The following PCDHA12 variants were observed in gnomAD, a reference collection of about 807,000 sequenced individuals.
PCDHA12 encodes protocadherin alpha 12.
A neutral mutation model predicts 60.0 loss-of-function variants in PCDHA12; 44 were observed. That is an observed-to-expected ratio of 0.73 (90% CI 0.58 to 0.94). PCDHA12 has a LOEUF of 0.94. Among genes scored for constraint, PCDHA12 ranks in the 40% least tolerant of loss-of-function variants. The pLI is 0.00. For missense variants in PCDHA12, 1,276 were observed against 1,239.7 expected, an observed-to-expected ratio of 1.03 and a Z score of -0.44; for synonymous variants, 569 against 553.0, an observed-to-expected ratio of 1.03 and a Z score of -0.40.
chr5:140,961,054 T>C (rs1290831214), intron 1 of PCDHA12, among the ~76,000 whole-genome samples: 2 of 152,136 alleles, frequency 1.3e-5, no homozygotes, highest in African/African-American at 4.8e-5. Context: ...AACAAAATGT[T>C]GAATGGGATA....
chr5:140,885,122 T>A (rs191806335), intron 1 of PCDHA12, among the ~76,000 whole-genome samples: 1 of 152,332 alleles, frequency 6.6e-6, no homozygotes, highest in African/African-American at 2.4e-5. Context: ...AGTGCACTTT[T>A]CTTTCTTTCT....
intron 1 of PCDHA12, among the ~76,000 whole-genome samples, chr5:140,921,582 A>G (rs1451313725): frequency 6.6e-6 from 1 of 152,200 alleles, no homozygotes; most frequent in Non-Finnish European, 1.5e-5. Context: ...AGCTCATACT[A>G]TATTATGGTT....
Position 140,877,136 on chromosome 5 carries a change from T to C in PCDHA12, c.1664T>C (p.Val555Ala), listed in dbSNP as rs782812769. Residue 555 changes from valine (V) to alanine (A), a missense_variant, in exon 1 of 4, where the codon GTG (valine) becomes GCG (alanine). By Grantham distance (64) the Val-to-Ala change is moderately conservative. Transcript: ENST00000398631. ...AGCAACGTGACGCTGCAGGTGTTCG[T>C]GCTGGACGAGAACGACAACGCGCCG... ...LGSNVTLQVF[V>A]LDENDNAPAL... The C allele has an allele frequency of 1.2e-6, 2 of 1,613,760 alleles. No homozygotes were observed. The highest frequency in any genetic ancestry group is 1.7e-6 in the Non-Finnish European group (2 of 1,179,850).
At chr5:140,884,075 T>C (rs2059980601) in intron 1 of PCDHA12, 1 of 1,613,342 alleles carries the variant, frequency 6.2e-7, no homozygotes, top group South Asian at 1.1e-5. Context: ...CGATTCGGGC[T>C]ACAATGCGTG....
intron 1 of PCDHA12, among the ~76,000 whole-genome samples, chr5:140,956,211 TCCTTG>T (rs2095268091): frequency 6.6e-6 from 1 of 152,198 alleles, no homozygotes; most frequent in Non-Finnish European, 1.5e-5. Flanking sequence ...AAAGAGGGCA[TCCTTG>T]TCTTGTGCTG....
intron 1 of PCDHA12, among the ~76,000 whole-genome samples, chr5:140,905,327 TG>T (rs2071747762): frequency 6.6e-6 from 1 of 152,202 alleles, no homozygotes; most frequent in Non-Finnish European, 1.5e-5. Context: ...TATGCTTTGT[TG>T]AAGATCAGTT....
chr5:140,883,251 T>C, intron 1 of PCDHA12: 1 of 1,614,086 alleles, frequency 6.2e-7, no homozygotes, highest in Non-Finnish European at 8.5e-7. Flanking sequence ...AAAGGAAATA[T>C]TCCAATGGCG....
rs79307553 is a variant in PCDHA12, at chr5:140,974,500, T to G, written c.2368-4449T>G. ...ACCCAGAATTCTCAAATGTATTACC[T>G]TTGTGTTTTATTTTATTTTAGTTTT... is the stretch of plus-strand genomic sequence containing the variant. On this transcript the variant is annotated intron_variant, in intron 1 of 3. Transcript: ENST00000398631. 8.7e-3 allele frequency among the ~76,000 whole-genome samples: 1,326 copies of G among 152,308 alleles called. 23 individuals carry two copies. Among genetic ancestry groups the G allele is most frequent in the African/African-American group, 0.03 (1,239 of 41,564 alleles).
intron 3 of PCDHA12, among the ~76,000 whole-genome samples, chr5:140,997,115 C>A (rs537421169): frequency 9.2e-5 from 14 of 152,116 alleles, no homozygotes; most frequent in Non-Finnish European, 1.6e-4. Flanking sequence ...TCCTGCTCTC[C>A]CACATACACA....
At chr5:140,955,522 C>A (rs1467341493) in intron 1 of PCDHA12, among the ~76,000 whole-genome samples, 5 of 152,180 alleles carry the variant, frequency 3.3e-5, no homozygotes, top group African/African-American at 1.2e-4. Context: ...GCTTTCCCTT[C>A]CACCATGATT....
chr5:140,976,689 T>TTTGCA (rs1280133734), intron 1 of PCDHA12, among the ~76,000 whole-genome samples: 2 of 152,232 alleles, frequency 1.3e-5, no homozygotes, highest in East Asian at 3.8e-4. Context: ...GCAATTTAAG[T>TTTGCA]ACAATAATGT....
chr5:140,986,656 C>T (rs141575317), intron 3 of PCDHA12, among the ~76,000 whole-genome samples: 2 of 152,290 alleles, frequency 1.3e-5, no homozygotes, highest in East Asian at 1.9e-4. Context: ...GTGGGAGATG[C>T]TCACAGTTTT....
chr5:140,935,016 T>C (rs997789296), intron 1 of PCDHA12, among the ~76,000 whole-genome samples: 6 of 152,322 alleles, frequency 3.9e-5, no homozygotes, highest in Admixed American at 6.5e-5. Flanking sequence ...TGAGTCTTAA[T>C]AGTCTTTTGA....
At chr5:140,887,984 A>G (rs2061657027) in intron 1 of PCDHA12, among the ~76,000 whole-genome samples, 1 of 152,178 alleles carries the variant, frequency 6.6e-6, no homozygotes, top group Admixed American at 6.5e-5. Context: ...TTTATTTTAC[A>G]TGTCTCCACC....
chr5:140,972,406 A>T (rs75214457), intron 1 of PCDHA12, among the ~76,000 whole-genome samples: 3,555 of 151,374 alleles, frequency 0.023, 73 homozygotes, highest in Middle Eastern at 0.055. Flanking sequence ...CTATTGGCAA[A>T]CCCTGTTAAG....
chr5:140,913,670 A>G (rs2076427033), intron 1 of PCDHA12, among the ~76,000 whole-genome samples: 1 of 152,090 alleles, frequency 6.6e-6, no homozygotes, highest in Non-Finnish European at 1.5e-5. Flanking sequence ...TAGTTAGGTT[A>G]TTTAAAATGA....
At chr5:140,881,325 A>G in intron 1 of PCDHA12, 4 of 984,454 alleles carry the variant, frequency 4.1e-6, no homozygotes, top group Non-Finnish European at 4.8e-6. Flanking sequence ...ATTCTATTTA[A>G]CCAGGACGCC....
chr5:140,911,884 C>A (rs1283685498), intron 1 of PCDHA12, among the ~76,000 whole-genome samples: 1 of 152,050 alleles, frequency 6.6e-6, no homozygotes, highest in Non-Finnish European at 1.5e-5. Flanking sequence ...CTCCTGGGAC[C>A]AAAATCTGTA....
chr5:140,884,449 C>T, intron 1 of PCDHA12: 1 of 1,613,826 alleles, frequency 6.2e-7, no homozygotes, highest in Non-Finnish European at 8.5e-7. Context: ...CGGCACCGCC[C>T]ACCGAGGGCG....
Sources: allele counts gnomAD v4.1 joint callset (sites outside exome capture counted in the v4.1 genomes callset), GRCh38; gene constraint gnomAD v4.1.1; transcripts MANE v1.5; gene names NCBI Gene and HGNC (gene_info 2026-07-23, HGNC 2026-07-21).